Variants in CNR2 observed in about 807,000 individuals in gnomAD.
CNR2 encodes the protein cannabinoid receptor 2.
For synonymous variants in CNR2, 172 were observed against 182.2 expected, an observed-to-expected ratio of 0.94 and a Z score of 0.45; for missense variants, 379 against 439.9, an observed-to-expected ratio of 0.86 and a Z score of 1.24.
intron 1 of CNR2, among the ~76,000 whole-genome samples, chr1:23,879,733 G>C (rs1180994228): frequency 1.3e-5 from 2 of 151,878 alleles, no homozygotes; most frequent in African/African-American, 4.8e-5. Context: ...TTAATTTTAG[G>C]CTTAAAAAAA....
chr1:23,878,746 A>G (rs1639930498), intron 1 of CNR2, among the ~76,000 whole-genome samples: 1 of 152,222 alleles, frequency 6.6e-6, no homozygotes, highest in African/African-American at 2.4e-5. Flanking sequence ...TCAGAATACC[A>G]AAGACAAAGA....
rs1228195069 is a variant in CNR2, at chr1:23,872,567, TG to T, written c.*1967del. ...GGTTAGTGGTTAAGAGGGCAGGCTT[TG>T]AAGTCAAACAGAACTAGGTTGGAGA... On this transcript the variant is annotated 3_prime_UTR_variant, in exon 2 of 2. Coordinates refer to ENST00000374472, the MANE Select transcript of CNR2 (RefSeq NM_001841.3). The T allele has an allele frequency of 6.6e-6, 1 of 152,138 alleles. No individual in the cohort carries two copies. The highest frequency in any genetic ancestry group is 2.4e-5 in the African/African-American group (1 of 41,434). The allele number at this position is 152,138 out of a possible 1,614,324, so 9.4% of individuals were successfully genotyped here.
chr1:23,878,918 G>A (rs962089633), intron 1 of CNR2, among the ~76,000 whole-genome samples: 19 of 152,146 alleles, frequency 1.2e-4, no homozygotes, highest in African/African-American at 4.1e-4. Context: ...CAAGAATGAG[G>A]TCTAAAAAAT....
intron 1 of CNR2, among the ~76,000 whole-genome samples, chr1:23,891,639 G>GAAAA (rs1553141359): frequency 2.7e-5 from 3 of 112,846 alleles, no homozygotes; most frequent in Admixed American, 8.7e-5. Context: ...AAAAAAAAAA[G>GAAAA]CCCAAATCTT....
At chr1:23,912,474 G>A (rs142878940) in intron 1 of CNR2, among the ~76,000 whole-genome samples, 42 of 152,370 alleles carry the variant, frequency 2.8e-4, no homozygotes, top group African/African-American at 8.4e-4. Context: ...GGTGGCTGAA[G>A]GGTGGGCCGC....
intron 1 of CNR2, chr1:23,907,007 TTCTC>T (rs1640504392): frequency 6.6e-6 from 1 of 152,018 alleles, no homozygotes; most frequent in African/African-American, 2.4e-5. Context: ...GAATACATCT[TTCTC>T]TCTTCTTACC....
intron 1 of CNR2, among the ~76,000 whole-genome samples, chr1:23,880,826 A>G (rs1313300132): frequency 1.3e-5 from 2 of 150,810 alleles, no homozygotes; most frequent in East Asian, 3.9e-4. Context: ...CTGGGATCAC[A>G]GATGTGAGCC....
At chr1:23,896,865 C>A (rs1174237572) in intron 1 of CNR2, among the ~76,000 whole-genome samples, 1 of 145,356 alleles carries the variant, frequency 6.9e-6, no homozygotes, top group Non-Finnish European at 1.5e-5. Flanking sequence ...TCAGTAGGTC[C>A]ATCTGCACCA....
At chr1:23,885,076 A>G (rs1029262270) in intron 1 of CNR2, among the ~76,000 whole-genome samples, 4 of 152,100 alleles carry the variant, frequency 2.6e-5, no homozygotes, top group Non-Finnish European at 5.9e-5. Flanking sequence ...CTGGGGTTAC[A>G]GGCATGAGCC....
chr1:23,912,684 G>A (rs1484267539), intron 1 of CNR2, among the ~76,000 whole-genome samples: 1 of 152,210 alleles, frequency 6.6e-6, no homozygotes, highest in Non-Finnish European at 1.5e-5. Flanking sequence ...CTCTGTGTGT[G>A]TGATTCTTGT....
At chr1:23,893,110 C>T (rs963650284) in intron 1 of CNR2, among the ~76,000 whole-genome samples, 5 of 152,302 alleles carry the variant, frequency 3.3e-5, no homozygotes, top group Admixed American at 2.6e-4. Flanking sequence ...CTAATGTCTA[C>T]GGGTTATCAA....
chr1:23,880,077 A>T (rs1639952435), intron 1 of CNR2, among the ~76,000 whole-genome samples: 1 of 151,306 alleles, frequency 6.6e-6, no homozygotes, highest in Non-Finnish European at 1.5e-5. Context: ...CTCAACATTT[A>T]CTTGGCTTGC....
chr1:23,882,756 G>T (rs1640015460), intron 1 of CNR2, among the ~76,000 whole-genome samples: 1 of 152,010 alleles, frequency 6.6e-6, no homozygotes. Flanking sequence ...GGAGGCGGAG[G>T]TTTCAGTGAA....
At chr1:23,885,846 G>C (rs4648919) in intron 1 of CNR2, among the ~76,000 whole-genome samples, 109,405 of 150,450 alleles carry the variant, frequency 0.73, 40,514 homozygotes, top group Middle Eastern at 0.8. Flanking sequence ...CCACTGTACT[G>C]CAGCCTGGGC....
chr1:23,882,171 C>T (rs1211417635), intron 1 of CNR2, among the ~76,000 whole-genome samples: 1 of 152,016 alleles, frequency 6.6e-6, no homozygotes, highest in African/African-American at 2.4e-5. Context: ...TATCTGCCCA[C>T]CTTGGCCTTC....
intron 1 of CNR2, among the ~76,000 whole-genome samples, chr1:23,908,720 C>T (rs1640538765): frequency 6.6e-6 from 1 of 152,130 alleles, no homozygotes. Flanking sequence ...CACCCTCTGG[C>T]TCCTTCCTTG....
At position 23,874,868 on chromosome 1, in the gene CNR2, C is replaced by A. The variant is rs1356237275; in HGVS notation, c.750G>T (p.Val250=). 1 of 1,614,154 alleles carries A rather than the reference C, an allele frequency of 6.2e-7. No homozygotes were observed. Among genetic ancestry groups the A allele is most frequent in the African/African-American group, 1.3e-5 (1 of 75,052 alleles). ...ACCAACAGATGAGGAGCACAGCCAA[C>A]ACTAGCCCTAGGGTCTTGGCCAACC... ...DVRLAKTLGL[V]LAVLLICWFP... Residue 250 remains valine, a synonymous_variant, in exon 2 of 2, where the codon GTG becomes GTT. Coordinates refer to ENST00000374472, the MANE Select transcript of CNR2 (RefSeq NM_001841.3).
At chr1:23,902,687 G>C (rs1640421123) in intron 1 of CNR2, 3 of 1,593,670 alleles carry the variant, frequency 1.9e-6, no homozygotes, top group African/African-American at 2.7e-5. Flanking sequence ...AGTGCACGTC[G>C]GCCACGAGCT....
intron 1 of CNR2, chr1:23,901,866 C>T (rs1471402468): frequency 5.6e-6 from 9 of 1,609,308 alleles, no homozygotes; most frequent in East Asian, 4.5e-5. Context: ...TCGCAGCGCC[C>T]GCAGTACTGG....
Sources: gnomAD v4.1 joint callset for allele counts (sites outside exome capture counted in the v4.1 genomes callset) on GRCh38, gnomAD v4.1.1 for gene constraint, MANE v1.5 for transcripts, NCBI Gene and HGNC (gene_info 2026-07-23, HGNC 2026-07-21) for gene names.